Variants in C9orf85 observed in about 807,000 individuals in gnomAD.
C9orf85 encodes uncharacterized protein C9orf85.
A neutral mutation model predicts 14.9 loss-of-function variants in C9orf85; 16 were observed. The observed-to-expected ratio is 1.08, with a 90% CI of 0.73 to 1.63. The LOEUF (loss-of-function observed/expected upper bound fraction) is 1.63. C9orf85 is among the 40% of genes most tolerant of loss of function. The pLI, the probability that C9orf85 is intolerant of heterozygous loss-of-function variation, is 0.00. For missense variants in C9orf85, 172 were observed against 186.1 expected (o/e 0.92, Z 0.44); for synonymous variants, 45 against 56.8 (o/e 0.79, Z 0.93).
intron 2 of C9orf85, among the ~76,000 whole-genome samples, chr9:71,969,691 A>G (rs574395765): frequency 2.0e-5 from 3 of 152,242 alleles, no homozygotes; most frequent in African/African-American, 7.2e-5. Context: ...TTTGTTTAAT[A>G]TAATTTGTAA....
At chr9:71,921,928 T>TTTTATTATTATTA (rs1554705991) in intron 1 of C9orf85, among the ~76,000 whole-genome samples, 3 of 113,824 alleles carry the variant, frequency 2.6e-5, no homozygotes, top group African/African-American at 9.0e-5. Context: ...TTATTTTTTT[T>TTTTATTATTATTA]TTATTATTAT....
chr9:71,915,951 C>T (rs1023691541), intron 1 of C9orf85, among the ~76,000 whole-genome samples: 14 of 152,168 alleles, frequency 9.2e-5, no homozygotes, highest in African/African-American at 2.9e-4. Context: ...TTCTGGTATT[C>T]CTGTCTGTAT....
intron 1 of C9orf85, 60 bp from the exon 2 acceptor site, chr9:71,946,946 G>A: frequency 8.8e-7 from 1 of 1,130,640 alleles, no homozygotes; most frequent in Non-Finnish European, 1.3e-6. Flanking sequence ...CTCTTTTATG[G>A]GATTTGCAAT....
chr9:71,971,721 C>G (rs564793499), intron 3 of C9orf85, 103 bp downstream of exon 3: 65 of 736,628 alleles, frequency 8.8e-5, no homozygotes, highest in Admixed American at 8.0e-4. Flanking sequence ...CGCCTGTAAT[C>G]CCAGTACTTT....
intron 1 of C9orf85, among the ~76,000 whole-genome samples, chr9:71,940,475 A>G (rs1422071947): frequency 1.3e-5 from 2 of 152,178 alleles, no homozygotes; most frequent in Non-Finnish European, 2.9e-5. Flanking sequence ...TGGCAAGTAA[A>G]CACATCAAAA....
At chr9:71,969,703 C>G (rs1822805882) in intron 2 of C9orf85, among the ~76,000 whole-genome samples, 2 of 151,978 alleles carry the variant, frequency 1.3e-5, no homozygotes, top group Non-Finnish European at 2.9e-5. Context: ...AATTTGTAAT[C>G]ATGTATTAAA....
chr9:71,961,196 A>G (rs976210492), intron 2 of C9orf85, among the ~76,000 whole-genome samples: 2 of 151,782 alleles, frequency 1.3e-5, no homozygotes, highest in Non-Finnish European at 2.9e-5. Flanking sequence ...TACAGGTGTA[A>G]GCCACCACGC....
At chr9:71,956,948 T>C (rs1300440283) in intron 2 of C9orf85, among the ~76,000 whole-genome samples, 3 of 152,030 alleles carry the variant, frequency 2.0e-5, no homozygotes, top group Non-Finnish European at 2.9e-5. Flanking sequence ...TTGGTTAAAA[T>C]TGAGTGTTTA....
At chr9:71,922,927 A>C (rs1000376389) in intron 1 of C9orf85, among the ~76,000 whole-genome samples, 7 of 152,224 alleles carry the variant, frequency 4.6e-5, no homozygotes, top group African/African-American at 1.7e-4. Context: ...CAGGAGTTTG[A>C]GACCAGCCTG....
chr9:71,912,964 T>G (rs1827552805), intron 1 of C9orf85, among the ~76,000 whole-genome samples: 1 of 152,252 alleles, frequency 6.6e-6, no homozygotes, highest in Admixed American at 6.5e-5. Flanking sequence ...GAGAAAATCA[T>G]TGACAACAGG....
intron 1 of C9orf85, among the ~76,000 whole-genome samples, chr9:71,935,820 A>G (rs549023869): frequency 1.3e-5 from 2 of 152,246 alleles, no homozygotes; most frequent in South Asian, 2.1e-4. Context: ...TGGTTGTACA[A>G]TATGAATGTA....
chr9:71,920,409 A>G (rs1472456810), intron 1 of C9orf85, among the ~76,000 whole-genome samples: 2 of 152,224 alleles, frequency 1.3e-5, no homozygotes, highest in East Asian at 3.8e-4. Context: ...GAAACAGACT[A>G]TTCTGCAAAT....
At chr9:71,950,884 A>G (rs1223069884) in intron 2 of C9orf85, among the ~76,000 whole-genome samples, 1 of 152,170 alleles carries the variant, frequency 6.6e-6, no homozygotes, top group African/African-American at 2.4e-5. Context: ...TATCCTGGAT[A>G]TTGGGAAAAT....
rs1422935173 is a variant in C9orf85, at chr9:71,947,177, C to T, written c.209+65C>T. Reference sequence around the variant, plus strand: ...GTATCATAGTTTATTATTTCATTTCCTGATTTTCAAAATTGTGTCCAAATA... The same window carrying T: ...GTATCATAGTTTATTATTTCATTTCTTGATTTTCAAAATTGTGTCCAAATA... On this transcript the variant is annotated intron_variant, in intron 2 of 3. Transcript: ENST00000334731. 8 of 1,093,676 alleles carry T rather than the reference C, an allele frequency of 7.3e-6. No individual in the cohort carries two copies. The Admixed American group carries it at 1.5e-4, about 21-fold the overall frequency. 67.7% of individuals were successfully genotyped at this position (1,093,676 alleles called of 1,614,324 possible).
intron 2 of C9orf85, among the ~76,000 whole-genome samples, chr9:71,969,420 GCATGA>G (rs1460668713): frequency 6.6e-6 from 1 of 152,134 alleles, no homozygotes; most frequent in Non-Finnish European, 1.5e-5. Flanking sequence ...GGGAGTACCA[GCATGA>G]GCCACTGCAC....
chr9:71,915,283 T>C (rs1354146592), intron 1 of C9orf85, among the ~76,000 whole-genome samples: 2 of 151,490 alleles, frequency 1.3e-5, no homozygotes, highest in Admixed American at 1.3e-4. Context: ...TGGGTTCAAG[T>C]GATTCTCTTG....
chr9:71,917,777 GA>G (rs1827688560), intron 1 of C9orf85, among the ~76,000 whole-genome samples: 1 of 152,184 alleles, frequency 6.6e-6, no homozygotes, highest in African/African-American at 2.4e-5. Context: ...CAGGAGCAGT[GA>G]AGATTATAAG....
intron 1 of C9orf85, among the ~76,000 whole-genome samples, chr9:71,933,881 C>T (rs1431530733): frequency 6.6e-6 from 1 of 151,924 alleles, no homozygotes; most frequent in East Asian, 1.9e-4. Context: ...TTTCTGATCC[C>T]GAATTTTTAG....
intron 1 of C9orf85, among the ~76,000 whole-genome samples, chr9:71,936,773 T>TA (rs1385669786): frequency 7.6e-5 from 11 of 144,348 alleles, no homozygotes; most frequent in Admixed American, 5.5e-4. Context: ...GTTCAAGCTT[T>TA]TTTTTTTTTT....
Sources: allele counts gnomAD v4.1 joint callset (sites outside exome capture counted in the v4.1 genomes callset), GRCh38; gene constraint gnomAD v4.1.1; transcripts MANE v1.5; gene names NCBI Gene and HGNC (gene_info 2026-07-23, HGNC 2026-07-21).